Variants in PDE12 observed in about 807,000 individuals in gnomAD.
PDE12 encodes the protein phosphodiesterase 12.
A neutral mutation model predicts 45.4 loss-of-function variants in PDE12; 26 were observed. That is an observed-to-expected ratio of 0.57 (90% CI 0.42 to 0.79). The LOEUF (loss-of-function observed/expected upper bound fraction) is 0.79. Among genes scored for constraint, PDE12 ranks in the 30% least tolerant of loss-of-function variants. The pLI is 0.00. For synonymous variants in PDE12, 283 were observed against 323.9 expected (o/e 0.87, Z 1.36); for missense variants, 668 against 790.0 (o/e 0.85, Z 1.85).
At chr3:57,618,611 T>TTTTTTG in the PDE12 span, among the ~76,000 whole-genome samples, 1 of 118,690 alleles carries the variant, frequency 8.4e-6, no homozygotes, top group Non-Finnish European at 1.9e-5. Flanking sequence ...TTTTGTGTTT[T>TTTTTTG]TTTTTTTTTT....
chr3:57,581,500 A>T, the PDE12 span, among the ~76,000 whole-genome samples: 7 of 152,288 alleles, frequency 4.6e-5, no homozygotes, highest in Middle Eastern at 3.4e-3. Flanking sequence ...CTTCATATCT[A>T]ACTCTTTCAA....
At chr3:57,594,301 A>G in the PDE12 span, among the ~76,000 whole-genome samples, 1 of 152,180 alleles carries the variant, frequency 6.6e-6, no homozygotes, top group Admixed American at 6.5e-5. Context: ...GGGTCTTGCT[A>G]TGTTGACCAG....
At chr3:57,630,482 G>T in the PDE12 span, 1 of 1,593,002 alleles carries the variant, frequency 6.3e-7, no homozygotes, top group East Asian at 2.2e-5. Flanking sequence ...CTTCCTCCGG[G>T]TCTTAAACCA....
the PDE12 span, chr3:57,571,870 T>C: frequency 5.0e-6 from 1 of 198,086 alleles, no homozygotes. Context: ...ATCAGTAAAG[T>C]AGCAAGGGGA....
the PDE12 span, among the ~76,000 whole-genome samples, chr3:57,602,835 G>A: frequency 6.6e-6 from 1 of 151,940 alleles, no homozygotes; most frequent in South Asian, 2.1e-4. Flanking sequence ...TCTCCCAGAG[G>A]GCTGAGATTA....
chr3:57,588,284 T>A, the PDE12 span, among the ~76,000 whole-genome samples: 7 of 152,348 alleles, frequency 4.6e-5, no homozygotes, highest in East Asian at 1.4e-3. Context: ...AAATCTTTGC[T>A]GGCCAGGCAG....
downstream of PDE12, among the ~76,000 whole-genome samples, chr3:57,570,219 GT>G (rs34599005): frequency 0.025 from 2,581 of 102,202 alleles, 19 homozygotes; most frequent in Middle Eastern, 0.054. Context: ...TTAATCCAGT[GT>G]TTTTTTTTTT....
chr3:57,655,096 C>T, the PDE12 span, among the ~76,000 whole-genome samples: 2 of 151,378 alleles, frequency 1.3e-5, no homozygotes, highest in African/African-American at 2.4e-5. Context: ...TGCAGTGGCA[C>T]GATCTCAGCT....
the PDE12 span, among the ~76,000 whole-genome samples, chr3:57,592,039 G>A: frequency 1.3e-5 from 2 of 151,768 alleles, no homozygotes; most frequent in South Asian, 4.2e-4. Context: ...ACTTTAACAG[G>A]GTAAACTTTA....
Position 57,557,629 on chromosome 3 carries a change from A to G in PDE12, c.1250A>G (p.Lys417Arg), listed in dbSNP as rs148876475. 7 of 1,614,014 alleles carry G rather than the reference A, an allele frequency of 4.3e-6. No individual in the cohort carries two copies. In the African/African-American group the frequency reaches 5.3e-5, roughly 12 times the overall value. ...CCACTTCACAAAGAACTGCTGGAGA[A>G]ACTAGTTTTGTACCCATCAGCGCAG... ...SDPLHKELLE[K>R]LVLYPSAQEK... is the part of the protein sequence containing the mutation. The change falls in exon 1 of 3, where the codon AAA becomes AGA. Residue 417 changes from lysine (K) to arginine (R), a missense_variant. Lys to Arg is a conservative substitution (Grantham distance 26). Around this residue, in one of 3 missense-constraint regions of PDE12, gnomAD observed 580 missense variants for 662.9 expected, o/e 0.87. Transcript: ENST00000311180.
chr3:57,560,099 GA>G lies in PDE12; in HGVS notation c.*97del. The G allele has an allele frequency of 6.7e-7, 1 of 1,484,572 alleles. No individual in the cohort carries two copies. Among genetic ancestry groups the G allele is most frequent in the Non-Finnish European group, 8.9e-7 (1 of 1,125,642 alleles). The allele number at this position is 1,484,572 out of a possible 1,614,324, so 92.0% of individuals were successfully genotyped here. A position where few individuals can be genotyped will look rare whatever the true frequency, so the allele number is the denominator to read the frequency against. ...AAGCTTATATGTAAACTTCAAGGAG[GA>G]ATGGTAAAATGTTCAGCCCTCCTAG... is the stretch of plus-strand genomic sequence containing the variant. On this transcript the variant is annotated 3_prime_UTR_variant, in exon 3 of 3. Transcript: ENST00000311180.
chr3:57,643,447 G>T, the PDE12 span, among the ~76,000 whole-genome samples: 1 of 152,158 alleles, frequency 6.6e-6, no homozygotes, highest in East Asian at 1.9e-4. Flanking sequence ...GGTTATATAG[G>T]TCTGGACCTC....
At position 57,560,699 on chromosome 3, in the gene PDE12, T is replaced by C; in HGVS notation, c.*695T>C. 1.0e-6 allele frequency: 1 copy of C among 983,602 alleles called. No individual in the cohort carries two copies. The highest frequency in any genetic ancestry group is 4.7e-5 in the South Asian group (1 of 21,224). The allele number at this position is 983,602 out of a possible 1,614,324, so 60.9% of individuals were successfully genotyped here. ...TTTTAAAGTACCATTTGAATGATCT[T>C]AATTTTTCTTTCATGACAACACATT... On this transcript the variant is annotated 3_prime_UTR_variant, in exon 3 of 3. Coordinates refer to ENST00000311180, the MANE Select transcript of PDE12 (RefSeq NM_177966.7).
At chr3:57,584,464 A>G in the PDE12 span, 2 of 1,611,900 alleles carry the variant, frequency 1.2e-6, no homozygotes, top group East Asian at 2.2e-5. Flanking sequence ...ATCCAATCCA[A>G]CTAGAAGAAG....
the PDE12 span, among the ~76,000 whole-genome samples, chr3:57,574,869 A>C: frequency 7.0e-6 from 1 of 142,518 alleles, no homozygotes; most frequent in Non-Finnish European, 1.5e-5. Flanking sequence ...TTTTTTTGAG[A>C]CCGAGTTTCG....
At chr3:57,608,061 G>T in the PDE12 span, among the ~76,000 whole-genome samples, 1 of 152,190 alleles carries the variant, frequency 6.6e-6, no homozygotes, top group Non-Finnish European at 1.5e-5. Context: ...CTACAAGCCA[G>T]AAGAGAGTGG....
At chr3:57,578,069 C>A in the PDE12 span, among the ~76,000 whole-genome samples, 5 of 151,740 alleles carry the variant, frequency 3.3e-5, no homozygotes, top group Non-Finnish European at 4.4e-5. Flanking sequence ...AACAAAAAAA[C>A]CCCATGAATT....
At chr3:57,619,014 T>C in the PDE12 span, among the ~76,000 whole-genome samples, 2 of 152,200 alleles carry the variant, frequency 1.3e-5, no homozygotes, top group African/African-American at 4.8e-5. Context: ...ACAAATTAAA[T>C]ACATTTGTCA....
the PDE12 span, among the ~76,000 whole-genome samples, chr3:57,587,565 G>GA: frequency 6.6e-6 from 1 of 151,622 alleles, no homozygotes; most frequent in Non-Finnish European, 1.5e-5. Context: ...TATGAAAAGA[G>GA]AAAAAAAATT....
Sources: gnomAD v4.1 joint callset for allele counts (sites outside exome capture counted in the v4.1 genomes callset) on GRCh38, gnomAD v4.1.1 for gene constraint, gnomAD v4.1.1 regional missense constraint, MANE v1.5 for transcripts, NCBI Gene and HGNC (gene_info 2026-07-23, HGNC 2026-07-21) for gene names.